The following CDH12 variants were observed in gnomAD, a reference collection of about 807,000 sequenced individuals.
CDH12 encodes cadherin 12, also known as cadherin-12.
In CDH12, 41 loss-of-function variants were observed where a neutral mutation model predicts 74.1. The ratio of observed to expected loss-of-function variants is 0.55; its 90% CI spans 0.43 to 0.72. CDH12 has a LOEUF of 0.72. CDH12 is among the 30% of genes least tolerant of loss of function. The probability of loss-of-function intolerance (pLI) is 0.00; values close to 1 mark genes in which losing one functional copy is unlikely to be tolerated. For missense variants in CDH12, 945 were observed against 977.2 expected, an observed-to-expected ratio of 0.97 and a Z score of 0.44; for synonymous variants, 399 against 355.0, an observed-to-expected ratio of 1.12 and a Z score of -1.39.
At position 22,011,997 on chromosome 5, in the gene CDH12, G is replaced by A. The variant is rs181706861; in HGVS notation, c.232-36612C>T. 8.1e-3 allele frequency among the ~76,000 whole-genome samples: 1,232 copies of A among 152,152 alleles called. 18 individuals are homozygous for A. Among genetic ancestry groups the A allele is most frequent in the African/African-American group, 0.028 (1,184 of 41,550 alleles). On this transcript the variant is annotated intron_variant, in intron 5 of 14. Coordinates refer to ENST00000382254, the MANE Select transcript of CDH12 (RefSeq NM_004061.5). The stretch of plus-strand genomic sequence containing the variant: ...CCTGGCTGACTTTTATCTCAAAAGA[G>A]TCAACTCTGTATTATTGAAGTGCAG...
intron 3 of CDH12, among the ~76,000 whole-genome samples, chr5:22,235,378 C>T (rs1374608691): frequency 6.6e-6 from 1 of 152,104 alleles, no homozygotes. Flanking sequence ...GTCAGGAATT[C>T]AAGACCATCC....
intron 1 of CDH12, among the ~76,000 whole-genome samples, chr5:22,598,545 A>G (rs1038495124): frequency 6.6e-6 from 1 of 152,112 alleles, no homozygotes; most frequent in Non-Finnish European, 1.5e-5. Flanking sequence ...TTCCTTTATA[A>G]ATTACCCAGT....
intron 1 of CDH12, among the ~76,000 whole-genome samples, chr5:22,589,641 T>C (rs1336732781): frequency 3.3e-5 from 5 of 152,196 alleles, no homozygotes; most frequent in East Asian, 1.9e-4. Flanking sequence ...TAGAACACTT[T>C]TCCTCGGCTT....
intron 2 of CDH12, among the ~76,000 whole-genome samples, chr5:22,454,569 G>A (rs1745190311): frequency 6.6e-6 from 1 of 152,078 alleles, no homozygotes; most frequent in African/African-American, 2.4e-5. Context: ...CACCTCCCAG[G>A]TTCAAACGAT....
In CDH12 at chr5:21,751,401, G is replaced by A. The variant is rs1218215657; in HGVS notation, c.*336C>T. ...CACTCTTCCACCGTGATGCCACATA[G>A]CTATCTTCGTTCTAGGTTGTCATGT... On this transcript the variant is annotated 3_prime_UTR_variant, in exon 15 of 15. Coordinates refer to ENST00000382254, the MANE Select transcript of CDH12 (RefSeq NM_004061.5). 1 of 232,722 alleles carries A rather than the reference G, an allele frequency of 4.3e-6. No individual in the cohort carries two copies. Among genetic ancestry groups the A allele is most frequent in the Non-Finnish European group, 8.6e-6 (1 of 116,946 alleles). 14.4% of individuals were successfully genotyped at this position (232,722 alleles called of 1,614,324 possible). A position where few individuals can be genotyped will look rare whatever the true frequency, so the allele number is the denominator to read the frequency against.
Position 22,801,658 on chromosome 5 carries a change from TATATATATATATATATATATATATATAC to T in CDH12, c.-523+51372_-523+51399del, listed in dbSNP as rs1229170637. Among the ~76,000 whole-genome samples the T allele has an allele frequency of 6.6e-4, 78 of 117,406 alleles. 1 individual carries two copies. Among genetic ancestry groups the T allele is most frequent in the African/African-American group, 3.2e-3 (77 of 24,136 alleles). 77.0% of individuals were successfully genotyped at this position (117,406 alleles called of 152,430 possible). A position where few individuals can be genotyped will look rare whatever the true frequency, so the allele number is the denominator to read the frequency against. Reference sequence around the variant, plus strand: ...TATCATATATATATATATATATATATATATATATATATATATATATATATATACACTTTGTTTAATAGGGAGAACACAT... The same window carrying T: ...TATCATATATATATATATATATATATACTTTGTTTAATAGGGAGAACACAT... On this transcript the variant is annotated intron_variant, in intron 1 of 14. Coordinates refer to ENST00000382254, the MANE Select transcript of CDH12 (RefSeq NM_004061.5).
At chr5:22,847,617 T>C (rs968614291) in intron 1 of CDH12, among the ~76,000 whole-genome samples, 6 of 152,202 alleles carry the variant, frequency 3.9e-5, no homozygotes, top group African/African-American at 1.4e-4. Context: ...TTAAAAGTAT[T>C]ATTTTTGATC....
intron 3 of CDH12, among the ~76,000 whole-genome samples, chr5:22,274,339 A>G (rs1473336669): frequency 6.6e-6 from 1 of 152,146 alleles, no homozygotes; most frequent in Non-Finnish European, 1.5e-5. Flanking sequence ...TAATAATTCA[A>G]TTTCACTGAA....
At chr5:21,832,743 C>T (rs1181382203) in intron 8 of CDH12, among the ~76,000 whole-genome samples, 3 of 136,090 alleles carry the variant, frequency 2.2e-5, no homozygotes, top group African/African-American at 8.2e-5. Flanking sequence ...ATATGAGACA[C>T]ATGATACATA....
chr5:22,063,629 G>C (rs1458070690), intron 5 of CDH12, among the ~76,000 whole-genome samples: 1 of 151,514 alleles, frequency 6.6e-6, no homozygotes, highest in Non-Finnish European at 1.5e-5. Flanking sequence ...TCCTGTTAGA[G>C]TTAATTTTAT....
rs114451239 is a variant in CDH12 at position 21,756,912 on chromosome 5, G to A, written c.1634-1070C>T. On this transcript the variant is annotated intron_variant, in intron 13 of 14. Coordinates refer to ENST00000382254, the MANE Select transcript of CDH12 (RefSeq NM_004061.5). The stretch of plus-strand genomic sequence containing the variant: ...CTTCAGCAATAGGAAGCACCAAGAC[G>A]AGAAAACTTTATGGGATATGATTAG... 6.8e-3 allele frequency among the ~76,000 whole-genome samples: 1,032 copies of A among 152,198 alleles called. 17 individuals carry two copies. Among genetic ancestry groups the A allele is most frequent in the African/African-American group, 0.023 (965 of 41,526 alleles).
intron 1 of CDH12, among the ~76,000 whole-genome samples, chr5:22,756,013 C>T (rs1248258213): frequency 1.4e-5 from 2 of 146,200 alleles, no homozygotes; most frequent in Non-Finnish European, 3.0e-5. Context: ...ACTCTTGATG[C>T]TGTAAATCTC....
chr5:22,065,593 A>G (rs553080299), intron 5 of CDH12, among the ~76,000 whole-genome samples: 1 of 152,196 alleles, frequency 6.6e-6, no homozygotes, highest in African/African-American at 2.4e-5. Flanking sequence ...TTCTTATTTA[A>G]TATCTATTTA....
intron 4 of CDH12, among the ~76,000 whole-genome samples, chr5:22,094,368 G>A (rs569764909): frequency 6.6e-6 from 1 of 152,156 alleles, no homozygotes; most frequent in African/African-American, 2.4e-5. Flanking sequence ...GAACCACAAA[G>A]ATTTGAATAA....
At chr5:22,325,059 C>A (rs1322065879) in intron 3 of CDH12, among the ~76,000 whole-genome samples, 1 of 152,150 alleles carries the variant, frequency 6.6e-6, no homozygotes, top group Non-Finnish European at 1.5e-5. Context: ...GAAATCAGGG[C>A]ATGTGCCTCA....
intron 5 of CDH12, among the ~76,000 whole-genome samples, chr5:22,001,157 T>C (rs1381713146): frequency 1.3e-5 from 2 of 152,188 alleles, no homozygotes; most frequent in Non-Finnish European, 2.9e-5. Context: ...CATAAGACAA[T>C]GAGATACACT....
At chr5:22,714,125 A>G (rs923890914) in intron 1 of CDH12, among the ~76,000 whole-genome samples, 5 of 152,146 alleles carry the variant, frequency 3.3e-5, no homozygotes, top group African/African-American at 4.8e-5. Context: ...GACCCATTCC[A>G]TCAACTGGAG....
intron 1 of CDH12, among the ~76,000 whole-genome samples, chr5:22,716,790 C>A: frequency 6.6e-6 from 1 of 151,610 alleles, no homozygotes. Flanking sequence ...CCTAGGCTAA[C>A]ATGTCTGCTT....
chr5:22,053,063 GT>G (rs535507772), intron 5 of CDH12, among the ~76,000 whole-genome samples: 3 of 148,038 alleles, frequency 2.0e-5, no homozygotes, highest in Non-Finnish European at 3.0e-5. Context: ...AGGGTCTCTC[GT>G]TTTTTTTGTT....
Sources: allele counts gnomAD v4.1 joint callset (sites outside exome capture counted in the v4.1 genomes callset), GRCh38; gene constraint gnomAD v4.1.1; transcripts MANE v1.5; gene names NCBI Gene and HGNC (gene_info 2026-07-23, HGNC 2026-07-21).